Variants in TCF7L2 observed in about 807,000 individuals in gnomAD.
TCF7L2 encodes the protein transcription factor 7 like 2.
In TCF7L2, 23 loss-of-function variants were observed where a neutral mutation model predicts 77.9. The observed-to-expected ratio is 0.30, with a 90% CI of 0.21 to 0.42. TCF7L2 has a LOEUF of 0.42. TCF7L2 is among the 10% of genes least tolerant of loss of function. The pLI, the probability that TCF7L2 is intolerant of heterozygous loss-of-function variation, is 1.00. For missense variants in TCF7L2, 654 were observed against 793.1 expected, an observed-to-expected ratio of 0.82 and a Z score of 2.11; for synonymous variants, 413 against 340.2, an observed-to-expected ratio of 1.21 and a Z score of -2.36.
chr10:113,144,332 T>G (rs1013131388), intron 7 of TCF7L2, among the ~76,000 whole-genome samples: 2 of 152,150 alleles, frequency 1.3e-5, no homozygotes, highest in Non-Finnish European at 2.9e-5. Flanking sequence ...CCTTTGGGAA[T>G]TGCAGAAGAC....
chr10:113,094,484 A>G (rs1355187649), intron 5 of TCF7L2, among the ~76,000 whole-genome samples: 1 of 152,214 alleles, frequency 6.6e-6, no homozygotes, highest in Admixed American at 6.5e-5. Flanking sequence ...AGAACTCTCT[A>G]CATTATAACT....
At chr10:113,080,021 G>A (rs112033570) in intron 5 of TCF7L2, among the ~76,000 whole-genome samples, 9 of 151,886 alleles carry the variant, frequency 5.9e-5, no homozygotes, top group Middle Eastern at 6.8e-3. Context: ...TCTTATGTGT[G>A]TACTGTCTCT....
chr10:113,145,724 G>A (rs1035546632), intron 7 of TCF7L2, among the ~76,000 whole-genome samples: 2 of 152,132 alleles, frequency 1.3e-5, no homozygotes, highest in African/African-American at 2.4e-5. Flanking sequence ...GCGAGACTTC[G>A]CCTTTAATTA....
intron 4 of TCF7L2, among the ~76,000 whole-genome samples, chr10:113,014,427 C>T (rs1447266993): frequency 1.3e-5 from 2 of 152,188 alleles, no homozygotes; most frequent in Non-Finnish European, 2.9e-5. Context: ...ACCTTCTTGA[C>T]ATTGGGAGCT....
chr10:113,029,490 T>A (rs992678676), intron 4 of TCF7L2, among the ~76,000 whole-genome samples: 2 of 151,824 alleles, frequency 1.3e-5, no homozygotes, highest in Admixed American at 6.6e-5. Context: ...TGGTGGAGTG[T>A]GTGTGTATGT....
At chr10:112,982,341 A>T (rs909643200) in intron 4 of TCF7L2, among the ~76,000 whole-genome samples, 2 of 152,134 alleles carry the variant, frequency 1.3e-5, no homozygotes, top group Non-Finnish European at 2.9e-5. Context: ...AGACTGGCCT[A>T]TCACGGGGAT....
chr10:113,063,519 T>TGGAGA (rs1591198695), intron 5 of TCF7L2, among the ~76,000 whole-genome samples: 1 of 151,958 alleles, frequency 6.6e-6, no homozygotes, highest in East Asian at 1.9e-4. Context: ...GAGTGAGGGA[T>TGGAGA]GGAGAGGAGA....
chr10:112,984,778 G>A lies in TCF7L2; in HGVS notation c.450+20154G>A, dbSNP rs61875116. 9.4e-3 allele frequency among the ~76,000 whole-genome samples: 1,429 copies of A among 152,278 alleles called. 15 individuals are homozygous for A. Among genetic ancestry groups the A allele is most frequent in the Non-Finnish European group, 0.015 (1,005 of 68,018 alleles). On this transcript the variant is annotated intron_variant, in intron 4 of 13. Transcript: ENST00000627217. ...TAAATTATCTGGCTGCAGATAGCTG[G>A]TTCTCTGGGTCTTGGTTTGCTCATC...
intron 6 of TCF7L2, among the ~76,000 whole-genome samples, chr10:113,142,281 C>T (rs1233178029): frequency 2.0e-5 from 3 of 152,218 alleles, no homozygotes; most frequent in Non-Finnish European, 2.9e-5. Context: ...TGAGCCACCA[C>T]ACCCAGCCCA....
At chr10:113,038,704 C>A (rs185693030) in intron 4 of TCF7L2, among the ~76,000 whole-genome samples, 34 of 152,236 alleles carry the variant, frequency 2.2e-4, no homozygotes, top group Admixed American at 1.8e-3. Context: ...ATTCTGTCAT[C>A]TTTCTTGGCA....
At chr10:113,142,628 A>G (rs946025313) in intron 6 of TCF7L2, among the ~76,000 whole-genome samples, 14 of 152,206 alleles carry the variant, frequency 9.2e-5, no homozygotes, top group African/African-American at 2.2e-4. Context: ...GAAGCCACAC[A>G]TGAGCTGGGT....
At chr10:113,090,633 T>TA (rs780581731) in intron 5 of TCF7L2, among the ~76,000 whole-genome samples, 9 of 152,184 alleles carry the variant, frequency 5.9e-5, no homozygotes, top group Non-Finnish European at 8.8e-5. Context: ...TTTTTTGAGA[T>TA]AGAGTCTCGC....
At position 113,014,888 on chromosome 10, in the gene TCF7L2, T is replaced by C. The variant is rs185962003; in HGVS notation, c.451-25137T>C. On this transcript the variant is annotated intron_variant, in intron 4 of 13. Coordinates refer to ENST00000627217, the MANE Select transcript of TCF7L2 (RefSeq NM_001146274.2). ...GGGAAAGTCTGGAATCCTTGGACAT[T>C]AGAAATTCTGAAGTTTTGGCTGGCT... Among the ~76,000 whole-genome samples, 8 of 152,286 alleles carry C rather than the reference T, an allele frequency of 5.3e-5. No individual in the cohort carries two copies. In the East Asian group the frequency reaches 9.7e-4, roughly 18 times the overall value.
chr10:112,958,047 CTCAGGGATAGA>C (rs1231290258), intron 3 of TCF7L2, among the ~76,000 whole-genome samples: 3 of 152,172 alleles, frequency 2.0e-5, no homozygotes, highest in African/African-American at 7.2e-5. Context: ...CTTACTAGCC[CTCAGGGATAGA>C]TATGAATCCC....
chr10:113,157,876 G>A, intron 11 of TCF7L2, 145 bp from the exon 12 acceptor site: 1 of 785,868 alleles, frequency 1.3e-6, no homozygotes. Context: ...AAGCGGGGTT[G>A]GAGGTTGGAC....
chr10:113,070,254 T>TA (rs147219113), intron 5 of TCF7L2, among the ~76,000 whole-genome samples: 1,657 of 118,280 alleles, frequency 0.014, 43 homozygotes, highest in African/African-American at 0.053. Flanking sequence ...GACTCCGTCT[T>TA]AAAAAAAAAA....
intron 5 of TCF7L2, among the ~76,000 whole-genome samples, chr10:113,099,190 A>G (rs2061368886): frequency 6.6e-6 from 1 of 151,824 alleles, no homozygotes; most frequent in African/African-American, 2.4e-5. Flanking sequence ...TGGCCAAAGA[A>G]AAAAATAGCC....
chr10:113,066,444 C>T (rs2057275208), intron 5 of TCF7L2, among the ~76,000 whole-genome samples: 1 of 151,986 alleles, frequency 6.6e-6, no homozygotes, highest in African/African-American at 2.4e-5. Context: ...TTAACTGTAT[C>T]TACTTACCAT....
At chr10:113,087,645 GGA>G (rs2059966974) in intron 5 of TCF7L2, among the ~76,000 whole-genome samples, 1 of 152,060 alleles carries the variant, frequency 6.6e-6, no homozygotes, top group South Asian at 2.1e-4. Context: ...CTCCAGGGGT[GGA>G]GAACGGAGTA....
Sources: allele counts gnomAD v4.1 joint callset (sites outside exome capture counted in the v4.1 genomes callset), GRCh38; gene constraint gnomAD v4.1.1; transcripts MANE v1.5; gene names NCBI Gene and HGNC (gene_info 2026-07-23, HGNC 2026-07-21).